The following RYR3 variants were observed in gnomAD, a reference collection of about 807,000 sequenced individuals.
RYR3 encodes ryanodine receptor 3.
A neutral mutation model predicts 584.3 loss-of-function variants in RYR3; 207 were observed. That is an observed-to-expected ratio of 0.35 (90% CI 0.32 to 0.40). RYR3 has a LOEUF of 0.40. Among genes scored for constraint, RYR3 ranks in the 10% least tolerant of loss-of-function variants. The pLI, the probability that RYR3 is intolerant of heterozygous loss-of-function variation, is 1.00. For synonymous variants in RYR3, 2,416 were observed against 2,248.5 expected (o/e 1.07, Z -2.11); for missense variants, 5,616 against 6,089.2 (o/e 0.92, Z 2.59).
At chr15:33,495,743 A>G (rs1455151226) in intron 2 of RYR3, among the ~76,000 whole-genome samples, 2 of 152,210 alleles carry the variant, frequency 1.3e-5, no homozygotes, top group Non-Finnish European at 2.9e-5. Context: ...AACTTTCTCC[A>G]TTATAAACTA....
chr15:33,396,354 C>T (rs1250447727), intron 1 of RYR3, among the ~76,000 whole-genome samples: 1 of 152,180 alleles, frequency 6.6e-6, no homozygotes, highest in Non-Finnish European at 1.5e-5. Context: ...CCCTGCATGT[C>T]ATCTCCCACC....
chr15:33,675,855 T>C (rs1241071710), intron 38 of RYR3, among the ~76,000 whole-genome samples: 4 of 152,130 alleles, frequency 2.6e-5, no homozygotes, highest in Non-Finnish European at 5.9e-5. Context: ...CTTACCAGCT[T>C]TGTGTAGCCC....
chr15:33,346,948 T>A (rs569571283), intron 1 of RYR3, among the ~76,000 whole-genome samples: 79 of 152,182 alleles, frequency 5.2e-4, no homozygotes, highest in African/African-American at 1.2e-3. Context: ...ACAAAAATTT[T>A]AAAAAAATAG....
At chr15:33,726,616 C>A in intron 46 of RYR3, 110 bp downstream of exon 46, 1 of 1,162,214 alleles carries the variant, frequency 8.6e-7, no homozygotes, top group Non-Finnish European at 1.2e-6. Flanking sequence ...GCAGGGCGGG[C>A]TGCACAGGGC....
chr15:33,745,506 C>T (rs1424215582), intron 52 of RYR3, among the ~76,000 whole-genome samples: 1 of 152,096 alleles, frequency 6.6e-6, no homozygotes. Flanking sequence ...ATCAGGGGCT[C>T]TTACTTATCT....
chr15:33,837,702 A>G lies in RYR3; in HGVS notation c.11722A>G (p.Met3908Val). The G allele has an allele frequency of 6.2e-7, 1 of 1,609,818 alleles. No individual in the cohort carries two copies. The highest frequency in any genetic ancestry group is 1.3e-5 in the African/African-American group (1 of 75,016). Residue 3908 changes from methionine (M) to valine (V), a missense_variant, in exon 89 of 104, where the codon ATG becomes GTG. This residue lies in a region of RYR3 where 258 missense variants were observed against 297.3 expected (regional missense o/e 0.87). Coordinates refer to ENST00000634891, the MANE Select transcript of RYR3 (RefSeq NM_001036.6). ...GGTAGAATCATCTACCAATGTAGAA[A>G]TGATCTTGAAATTCTTTGACATGTT... ...TLVESSTNVE[M>V]ILKFFDMFLK... is the part of the protein sequence containing the mutation.
intron 10 of RYR3, among the ~76,000 whole-genome samples, chr15:33,561,905 GAAAA>G: frequency 8.2e-6 from 1 of 121,858 alleles, no homozygotes; most frequent in East Asian, 2.3e-4. Flanking sequence ...GGCTCAAAAA[GAAAA>G]AAAAAAAAGA....
At chr15:33,442,236 A>G (rs1762507417) in intron 1 of RYR3, among the ~76,000 whole-genome samples, 1 of 152,192 alleles carries the variant, frequency 6.6e-6, no homozygotes, top group Admixed American at 6.5e-5. Flanking sequence ...TTTTTCTAAG[A>G]GAGGAAATAT....
At chr15:33,347,288 A>C (rs1186438383) in intron 1 of RYR3, among the ~76,000 whole-genome samples, 1 of 152,220 alleles carries the variant, frequency 6.6e-6, no homozygotes, top group Non-Finnish European at 1.5e-5. Flanking sequence ...AGTCTTCTGC[A>C]TGGAGGATGT....
intron 17 of RYR3, 37 bp downstream of exon 17, chr15:33,601,589 G>C: frequency 6.2e-7 from 1 of 1,610,244 alleles, no homozygotes; most frequent in Non-Finnish European, 8.5e-7. Flanking sequence ...GCCAAGCATA[G>C]TTCTGCCTGT....
At chr15:33,330,341 C>G (rs779179152) in intron 1 of RYR3, among the ~76,000 whole-genome samples, 1 of 152,188 alleles carries the variant, frequency 6.6e-6, no homozygotes, top group Non-Finnish European at 1.5e-5. Flanking sequence ...TTTGTTTTCT[C>G]TGTCTTTGCA....
intron 1 of RYR3, among the ~76,000 whole-genome samples, chr15:33,370,726 A>G (rs2040271678): frequency 6.6e-6 from 1 of 152,208 alleles, no homozygotes; most frequent in South Asian, 2.1e-4. Context: ...TAAAGCATCC[A>G]GATGAACCAG....
chr15:33,350,986 G>A (rs1275288766), intron 1 of RYR3, among the ~76,000 whole-genome samples: 4 of 151,830 alleles, frequency 2.6e-5, no homozygotes, highest in African/African-American at 9.7e-5. Flanking sequence ...TTTTTTGAAA[G>A]GATCAACAAA....
chr15:33,456,686 G>A (rs1018544603), intron 1 of RYR3, among the ~76,000 whole-genome samples: 5 of 152,048 alleles, frequency 3.3e-5, no homozygotes, highest in African/African-American at 1.2e-4. Context: ...TGAGAAATGG[G>A]GCCATGAGCA....
At chr15:33,798,943 CACA>C (rs1272603666) in intron 67 of RYR3, among the ~76,000 whole-genome samples, 3 of 152,106 alleles carry the variant, frequency 2.0e-5, no homozygotes, top group Non-Finnish European at 2.9e-5. Context: ...ACAGGCTACC[CACA>C]ACAATTCATT....
At chr15:33,407,265 A>T (rs1298459437) in intron 1 of RYR3, among the ~76,000 whole-genome samples, 2 of 152,240 alleles carry the variant, frequency 1.3e-5, no homozygotes, top group Non-Finnish European at 2.9e-5. Flanking sequence ...TTTGGAGAGG[A>T]CATAATTGTT....
chr15:33,489,530 A>T (rs1174712602), intron 2 of RYR3, among the ~76,000 whole-genome samples: 2 of 152,236 alleles, frequency 1.3e-5, no homozygotes, highest in Non-Finnish European at 2.9e-5. Context: ...CCCACAAAAG[A>T]CGTAACATCG....
rs2078091107 is a variant in RYR3 at position 33,836,933 on chromosome 15, G to A, written c.11596G>A (p.Glu3866Lys). 6.2e-7 allele frequency: 1 copy of A among 1,613,670 alleles called. No individual in the cohort carries two copies. The highest frequency in any genetic ancestry group is 1.3e-5 in the African/African-American group (1 of 75,030). Reference sequence around the variant, plus strand: ...TTCCAGTCAGATCGAGCTGCTGAAGGAACTCTTGGATCTCCTTCAGGACAT... The same window carrying A: ...TTCCAGTCAGATCGAGCTGCTGAAGAAACTCTTGGATCTCCTTCAGGACAT... ...QDSSQIELLKELLDLLQDMVV... is the reference protein window; with the variant it reads ...QDSSQIELLKKLLDLLQDMVV... Residue 3866 changes from glutamate to lysine, a missense_variant, in exon 88 of 104, where the codon GAA becomes AAA. By Grantham distance (56) the Glu-to-Lys change is moderately conservative (BLOSUM62 1). Coordinates refer to ENST00000634891, the MANE Select transcript of RYR3 (RefSeq NM_001036.6).
At chr15:33,846,830 G>GT (rs1187934877) in intron 93 of RYR3, among the ~76,000 whole-genome samples, 4 of 152,206 alleles carry the variant, frequency 2.6e-5, no homozygotes, top group Non-Finnish European at 5.9e-5. Context: ...GGGATTAAAT[G>GT]TAGAGGTATG....
Sources: gnomAD v4.1 joint callset for allele counts (sites outside exome capture counted in the v4.1 genomes callset) on GRCh38, gnomAD v4.1.1 for gene constraint, gnomAD v4.1.1 regional missense constraint, MANE v1.5 for transcripts, NCBI Gene and HGNC (gene_info 2026-07-23, HGNC 2026-07-21) for gene names.